Variants in EFCAB5 observed in about 807,000 individuals in gnomAD.
The protein encoded by EFCAB5 is EF-hand calcium binding domain 5.
A neutral mutation model predicts 167.9 loss-of-function variants in EFCAB5; 131 were observed. The observed-to-expected ratio is 0.78, with a 90% CI of 0.68 to 0.90. The LOEUF is 0.90. Among genes scored for constraint, EFCAB5 ranks in the 40% least tolerant of loss-of-function variants. The probability of loss-of-function intolerance (pLI) is 0.00; values close to 1 mark genes in which losing one functional copy is unlikely to be tolerated. For missense variants in EFCAB5, 1,663 were observed against 1,745.2 expected, an observed-to-expected ratio of 0.95 and a Z score of 0.84; for synonymous variants, 574 against 602.8, an observed-to-expected ratio of 0.95 and a Z score of 0.70.
intron 3 of EFCAB5, among the ~76,000 whole-genome samples, chr17:29,965,524 G>A (rs953062694): frequency 6.6e-6 from 1 of 152,132 alleles, no homozygotes; most frequent in Non-Finnish European, 1.5e-5. Flanking sequence ...ATATTGGGTA[G>A]ACTATTGTAT....
chr17:30,101,558 G>T (rs2071383066), intron 22 of EFCAB5, among the ~76,000 whole-genome samples: 1 of 152,188 alleles, frequency 6.6e-6, no homozygotes, highest in South Asian at 2.1e-4. Flanking sequence ...TGACTATGTA[G>T]ATGGTTAAAT....
chr17:30,042,072 A>T (rs2069789317), intron 8 of EFCAB5, among the ~76,000 whole-genome samples: 1 of 151,696 alleles, frequency 6.6e-6, no homozygotes, highest in Non-Finnish European at 1.5e-5. Context: ...GCAGTGGCGC[A>T]GTCTTGGCTC....
chr17:29,978,637 A>C (rs2068108301), intron 4 of EFCAB5, among the ~76,000 whole-genome samples: 1 of 152,210 alleles, frequency 6.6e-6, no homozygotes, highest in East Asian at 1.9e-4. Flanking sequence ...ACTGAGGTAG[A>C]GTCCCTGAGT....
At chr17:29,968,725 TC>T in intron 3 of EFCAB5, 65 bp from the exon 4 acceptor site, 2 of 1,313,524 alleles carry the variant, frequency 1.5e-6, no homozygotes, top group Non-Finnish European at 2.0e-6. Flanking sequence ...CAAATATTAT[TC>T]TAAAGTCACA....
intron 14 of EFCAB5, chr17:30,059,957 T>A (rs1373164311): frequency 4.6e-6 from 1 of 216,500 alleles, no homozygotes; most frequent in Non-Finnish European, 9.0e-6. Flanking sequence ...TGAGCAGCTG[T>A]GACTGCAGTA....
chr17:30,049,535 G>T (rs1374426240), intron 8 of EFCAB5, among the ~76,000 whole-genome samples: 1 of 151,600 alleles, frequency 6.6e-6, no homozygotes, highest in Non-Finnish European at 1.5e-5. Context: ...ATAGGCAACT[G>T]GTCCCAACTG....
At chr17:29,996,039 T>C (rs1178721065) in intron 5 of EFCAB5, among the ~76,000 whole-genome samples, 1 of 152,188 alleles carries the variant, frequency 6.6e-6, no homozygotes, top group Non-Finnish European at 1.5e-5. Context: ...TAGATCTTGT[T>C]CAGACATAAC....
chr17:30,024,568 T>C (rs2151715246), intron 7 of EFCAB5, among the ~76,000 whole-genome samples: 1 of 152,144 alleles, frequency 6.6e-6, no homozygotes, highest in East Asian at 1.9e-4. Context: ...TCCATGCTCA[T>C]GGGTAGGAAG....
chr17:29,976,948 G>T (rs2068074398), intron 4 of EFCAB5, among the ~76,000 whole-genome samples: 1 of 152,054 alleles, frequency 6.6e-6, no homozygotes, highest in Non-Finnish European at 1.5e-5. Context: ...CTGTTTGTAG[G>T]TTTTATATGT....
At chr17:29,951,876 G>A (rs1003457602) in intron 3 of EFCAB5, among the ~76,000 whole-genome samples, 1 of 152,114 alleles carries the variant, frequency 6.6e-6, no homozygotes, top group Non-Finnish European at 1.5e-5. Flanking sequence ...TATTCTTGCA[G>A]GTGGTGACAT....
chr17:29,985,437 C>T (rs1366203221), intron 4 of EFCAB5, among the ~76,000 whole-genome samples: 1 of 152,114 alleles, frequency 6.6e-6, no homozygotes, highest in Admixed American at 6.5e-5. Flanking sequence ...AACCCAGTGG[C>T]ACTAGAGGAA....
At chr17:29,942,366 T>C (rs2067311734) in intron 2 of EFCAB5, 64 bp downstream of exon 2, 8 of 1,394,372 alleles carry the variant, frequency 5.7e-6, no homozygotes, top group Non-Finnish European at 7.6e-6. Flanking sequence ...ATCAATTTTC[T>C]TATGATAAAA....
rs147061646 is a variant in EFCAB5 at position 29,929,953 on chromosome 17, G to T, written c.-127+624G>T. 1.7e-5 allele frequency: 27 copies of T among 1,603,328 alleles called. No individual in the cohort carries two copies. In the African/African-American group the frequency reaches 3.2e-4, roughly 19 times the overall value. ...AAGGACTCACCGAGGCGCAGGGGCT[G>T]GAGGTGGTGCTGGGGGTAGGTGACC... On this transcript the variant is annotated intron_variant, in intron 1 of 3. Transcript: ENST00000448319.
In EFCAB5 at chr17:29,957,144, G is replaced by C. The variant is rs142342242; in HGVS notation, c.191-11647G>C. Among the ~76,000 whole-genome samples the C allele has an allele frequency of 3.7e-3, 561 of 152,080 alleles. 2 individuals carry two copies. Among genetic ancestry groups the C allele is most frequent in the Middle Eastern group, 0.014 (4 of 294 alleles). On this transcript the variant is annotated intron_variant, in intron 3 of 22. Coordinates refer to ENST00000394835, the MANE Select transcript of EFCAB5 (RefSeq NM_198529.4). ...ATTCCTTCTATACCCAGTGTTTTGA[G>C]GGATTTTATTATGAAGAGCTGTTGA...
At position 30,025,884 on chromosome 17, in the gene EFCAB5, T is replaced by C. The variant is rs1265491482; in HGVS notation, c.1045-8346T>C. ...GTCCTTTGTAGGGACATGGATGAAATTGGAAATCATCATTCTCAGTAAACT... is the reference window on the plus strand; with the variant it reads ...GTCCTTTGTAGGGACATGGATGAAACTGGAAATCATCATTCTCAGTAAACT... On this transcript the variant is annotated intron_variant, in intron 7 of 22. Coordinates refer to ENST00000394835, the MANE Select transcript of EFCAB5 (RefSeq NM_198529.4). Among the ~76,000 whole-genome samples the C allele has an allele frequency of 2.0e-5, 3 of 152,012 alleles. No individual in the cohort carries two copies. In the South Asian group the frequency reaches 6.2e-4, roughly 32 times the overall value.
chr17:30,021,586 C>T (rs922995553), intron 7 of EFCAB5, among the ~76,000 whole-genome samples: 2 of 151,072 alleles, frequency 1.3e-5, no homozygotes, highest in African/African-American at 4.9e-5. Flanking sequence ...TATTAGTTTT[C>T]CTGAAATTTC....
chr17:29,950,433 G>T (rs1442907938), intron 3 of EFCAB5: 1 of 152,008 alleles, frequency 6.6e-6, no homozygotes, highest in Non-Finnish European at 1.5e-5. Flanking sequence ...GTATAGTGGT[G>T]CAATCATAGC....
chr17:29,982,890 A>G (rs751163159), intron 4 of EFCAB5, among the ~76,000 whole-genome samples: 13 of 152,226 alleles, frequency 8.5e-5, no homozygotes, highest in Non-Finnish European at 1.9e-4. Context: ...TGTCACAACT[A>G]GGTGGGGAAG....
chr17:30,036,238 T>C (rs1018950323), intron 8 of EFCAB5, among the ~76,000 whole-genome samples: 15 of 141,474 alleles, frequency 1.1e-4, no homozygotes, highest in African/African-American at 2.3e-4. Context: ...ATAATGTATG[T>C]ATATATAAAT....
Sources: allele counts gnomAD v4.1 joint callset (sites outside exome capture counted in the v4.1 genomes callset), GRCh38; gene constraint gnomAD v4.1.1; transcripts MANE v1.5; gene names NCBI Gene and HGNC (gene_info 2026-07-23, HGNC 2026-07-21).